DNAH9: variants seen among roughly 807,000 people sequenced by gnomAD.
DNAH9 encodes the protein dynein axonemal heavy chain 9, also known as DNAH9 variant protein.
In DNAH9, 345 loss-of-function variants were observed where a neutral mutation model predicts 471.6. The ratio of observed to expected loss-of-function variants is 0.73; its 90% CI spans 0.67 to 0.80. The LOEUF is 0.80. Ranked by LOEUF, DNAH9 falls within the 30% of genes least tolerant of loss-of-function variation. DNAH9 has a pLI of 0.00. For synonymous variants in DNAH9, 2,093 were observed against 2,123.6 expected, an observed-to-expected ratio of 0.99 and a Z score of 0.40; for missense variants, 5,407 against 5,609.2, an observed-to-expected ratio of 0.96 and a Z score of 1.15.
chr17:11,620,762 C>G (rs1053417593), intron 6 of DNAH9, among the ~76,000 whole-genome samples: 1 of 152,100 alleles, frequency 6.6e-6, no homozygotes, highest in African/African-American at 2.4e-5. Context: ...TAACCATTCC[C>G]GCAAAGCTGG....
chr17:11,898,267 G>A (rs777696652), intron 59 of DNAH9, among the ~76,000 whole-genome samples: 41 of 152,002 alleles, frequency 2.7e-4, no homozygotes, highest in African/African-American at 4.8e-4. Flanking sequence ...TGGGATTACC[G>A]GCGTGCGCCA....
chr17:11,946,743 AAAAG>A (rs1392032631), intron 67 of DNAH9, among the ~76,000 whole-genome samples: 4 of 151,864 alleles, frequency 2.6e-5, no homozygotes, highest in Non-Finnish European at 5.9e-5. Flanking sequence ...TTAAAATTGA[AAAAG>A]AAAAAAAAAT....
chr17:11,757,578 G>A lies in DNAH9; in HGVS notation c.6881G>A (p.Trp2294Ter). Reference protein sequence around the residue: ...ILYINPADLGWNPPVSSWIEK... With the variant: ...ILYINPADLG Reference sequence around the variant, plus strand: ...TACATCAACCCGGCAGACTTGGGATGGAACCCTCCAGTGAGCAGCTGGATT... The same window carrying A: ...TACATCAACCCGGCAGACTTGGGATAGAACCCTCCAGTGAGCAGCTGGATT... The change falls in exon 35 of 69, where the codon TGG (tryptophan) becomes TAG (stop). Residue 2294 changes from tryptophan to a stop codon, truncating the protein, a stop_gained. Transcript: ENST00000262442. LOFTEE classifies it high-confidence loss of function. 1 of 1,613,912 alleles carries A rather than the reference G, an allele frequency of 6.2e-7. No individual in the cohort carries two copies. The highest frequency in any genetic ancestry group is 2.2e-5 in the East Asian group (1 of 44,882).
intron 35 of DNAH9, among the ~76,000 whole-genome samples, chr17:11,761,792 T>C (rs186003667): frequency 6.6e-6 from 1 of 152,272 alleles, no homozygotes; most frequent in Non-Finnish European, 1.5e-5. Context: ...ACCTTCCCTG[T>C]GCAGGAGGGG....
intron 40 of DNAH9, 45 bp downstream of exon 40, chr17:11,783,793 A>G (rs1968756477): frequency 6.8e-7 from 1 of 1,468,876 alleles, no homozygotes; most frequent in Non-Finnish European, 9.5e-7. Flanking sequence ...CTATCTTACT[A>G]GAGCTGATGC....
At chr17:11,886,216 G>A (rs976644813) in intron 56 of DNAH9, among the ~76,000 whole-genome samples, 3 of 151,868 alleles carry the variant, frequency 2.0e-5, no homozygotes, top group Non-Finnish European at 4.4e-5. Context: ...CCCAGCTACT[G>A]GGGAGGCTGA....
chr17:11,926,281 A>G (rs186434450), intron 62 of DNAH9, among the ~76,000 whole-genome samples: 13 of 151,980 alleles, frequency 8.6e-5, no homozygotes, highest in Admixed American at 8.5e-4. Context: ...TCTGGGGTAC[A>G]TGTGCAGGAT....
rs79153951 is a variant in DNAH9, at chr17:11,888,732, G to A, written c.11112+1767G>A. On this transcript the variant is annotated intron_variant, in intron 57 of 68. Coordinates refer to ENST00000262442, the MANE Select transcript of DNAH9 (RefSeq NM_001372.4). ...TGAAGTAAGGGTGTTCAAAAATATC[G>A]AAACCACAATGCATTTAGAAGCCTT... Among the ~76,000 whole-genome samples, 20 of 152,244 alleles carry A rather than the reference G, an allele frequency of 1.3e-4. No individual in the cohort carries two copies. In the East Asian group the frequency reaches 3.7e-3, roughly 28 times the overall value.
intron 17 of DNAH9, 95 bp from the exon 18 acceptor site, chr17:11,679,662 C>A: frequency 1.1e-6 from 1 of 888,338 alleles, no homozygotes; most frequent in Non-Finnish European, 1.9e-6. Context: ...GTAGGATTTT[C>A]ATAATGATAG....
chr17:11,749,958 C>CACTT (rs1334518348), intron 32 of DNAH9, among the ~76,000 whole-genome samples: 1 of 152,112 alleles, frequency 6.6e-6, no homozygotes, highest in Non-Finnish European at 1.5e-5. Context: ...TTGTCTCAAG[C>CACTT]ACTTCTTTTT....
At chr17:11,750,669 C>T (rs1212836785) in intron 32 of DNAH9, among the ~76,000 whole-genome samples, 1 of 152,154 alleles carries the variant, frequency 6.6e-6, no homozygotes, top group South Asian at 2.1e-4. Flanking sequence ...GAAATGCTCT[C>T]TTAATTCCTG....
At chr17:11,776,495 GAGA>G (rs1266119734) in intron 38 of DNAH9, among the ~76,000 whole-genome samples, 1 of 152,114 alleles carries the variant, frequency 6.6e-6, no homozygotes, top group Non-Finnish European at 1.5e-5. Flanking sequence ...ACTGCCTAAA[GAGA>G]AGGAGGTTGG....
chr17:11,934,931 C>T (rs775251210), intron 65 of DNAH9, among the ~76,000 whole-genome samples: 21 of 152,114 alleles, frequency 1.4e-4, no homozygotes, highest in African/African-American at 3.4e-4. Flanking sequence ...ATACCGCATA[C>T]GTATGCCACA....
At chr17:11,615,754 G>A (rs2072729230) in intron 4 of DNAH9, among the ~76,000 whole-genome samples, 1 of 152,154 alleles carries the variant, frequency 6.6e-6, no homozygotes, top group Non-Finnish European at 1.5e-5. Context: ...AAGAGATTGT[G>A]ATTTTTAAAA....
chr17:11,787,603 C>A (rs893817188), intron 41 of DNAH9, among the ~76,000 whole-genome samples: 1 of 152,180 alleles, frequency 6.6e-6, no homozygotes, highest in Non-Finnish European at 1.5e-5. Flanking sequence ...CTTCTCTGTA[C>A]TCCCCTCGCT....
At chr17:11,680,346 G>A (rs898480415) in intron 18 of DNAH9, among the ~76,000 whole-genome samples, 4 of 152,150 alleles carry the variant, frequency 2.6e-5, no homozygotes, top group Non-Finnish European at 5.9e-5. Flanking sequence ...GAAAAGGGAA[G>A]GGGTTAATGT....
intron 48 of DNAH9, among the ~76,000 whole-genome samples, chr17:11,833,036 A>G (rs372841946): frequency 6.6e-6 from 1 of 152,300 alleles, no homozygotes; most frequent in East Asian, 1.9e-4. Context: ...TTAGGACTTG[A>G]GAGTTTGCAT....
chr17:11,968,200 G>A (rs78382950), intron 68 of DNAH9, among the ~76,000 whole-genome samples: 1,642 of 151,728 alleles, frequency 0.011, 33 homozygotes, highest in African/African-American at 0.038. Flanking sequence ...AGTATGTTGG[G>A]GAAAAAAAAA....
intron 36 of DNAH9, among the ~76,000 whole-genome samples, chr17:11,766,757 G>A (rs1347851875): frequency 6.6e-6 from 1 of 152,142 alleles, no homozygotes. Flanking sequence ...GAGGTCCGTA[G>A]TTCAAGACCA....
Sources: gnomAD v4.1 joint callset for allele counts (sites outside exome capture counted in the v4.1 genomes callset) on GRCh38, gnomAD v4.1.1 for gene constraint, MANE v1.5 for transcripts, NCBI Gene and HGNC (gene_info 2026-07-23, HGNC 2026-07-21) for gene names.